The following UBL3 variants were observed in gnomAD, a reference collection of about 807,000 sequenced individuals.
The protein encoded by UBL3 is ubiquitin like 3, also known as ubiquitin-like protein 3.
A neutral mutation model predicts 18.4 loss-of-function variants in UBL3; 6 were observed. That is an observed-to-expected ratio of 0.33 (90% confidence interval 0.18 to 0.64). The LOEUF is 0.64. Among genes scored for constraint, UBL3 ranks in the 30% least tolerant of loss-of-function variants. UBL3 has a pLI of 0.76. For synonymous variants in UBL3, 49 were observed against 46.6 expected (o/e 1.05, Z -0.21); for missense variants, 109 against 142.9 (o/e 0.76, Z 1.21).
intron 2 of UBL3, among the ~76,000 whole-genome samples, chr13:29,772,805 A>G (rs565932931): frequency 6.6e-6 from 1 of 152,258 alleles, no homozygotes; most frequent in African/African-American, 2.4e-5. Context: ...AATTATATAT[A>G]TTTGGAGGTA....
intron 3 of UBL3, among the ~76,000 whole-genome samples, chr13:29,769,078 T>C (rs894805233): frequency 3.3e-5 from 5 of 152,104 alleles, no homozygotes; most frequent in African/African-American, 7.2e-5. Flanking sequence ...CTGCCCTTTG[T>C]AGCTGTGTCC....
chr13:29,803,707 AAC>A (rs1593662254), intron 1 of UBL3, among the ~76,000 whole-genome samples: 1 of 152,172 alleles, frequency 6.6e-6, no homozygotes, highest in East Asian at 1.9e-4. Flanking sequence ...GACGTTATAT[AAC>A]AGTAAAGGGA....
In UBL3 at chr13:29,849,545, G is replaced by A. The variant is rs374945754; in HGVS notation, c.-7C>T. The A allele has an allele frequency of 1.2e-6, 2 of 1,613,860 alleles. No individual in the cohort carries two copies. Among genetic ancestry groups the A allele is most frequent in the Non-Finnish European group, 1.7e-6 (2 of 1,180,020 alleles). On this transcript the variant is annotated 5_prime_UTR_variant, in exon 1 of 5. In the 5' UTR this introduces an upstream ATG that the reference lacks. Coordinates refer to ENST00000380680, the MANE Select transcript of UBL3 (RefSeq NM_007106.4). ...CCGGGACATTACTGGACATCTTGCC[G>A]TTTGATATACACCCAGATGTTTACG...
chr13:29,820,074 G>C (rs952030710), intron 1 of UBL3, among the ~76,000 whole-genome samples: 2 of 150,834 alleles, frequency 1.3e-5, no homozygotes, highest in African/African-American at 4.9e-5. Context: ...CTGGAAAGAA[G>C]CTTCTCTAAT....
intron 1 of UBL3, among the ~76,000 whole-genome samples, chr13:29,787,051 C>T (rs1034066306): frequency 2.0e-5 from 3 of 152,138 alleles, no homozygotes; most frequent in Non-Finnish European, 4.4e-5. Context: ...AGAAACCATT[C>T]AACTACTTAT....
Position 29,777,282 on chromosome 13 carries a change from T to G in UBL3, c.28-19A>C. On this transcript the variant is annotated intron_variant, in intron 1 of 4. Coordinates refer to ENST00000380680, the MANE Select transcript of UBL3 (RefSeq NM_007106.4). ...AATTTATCTGAAAGAAGACAATGAT[T>G]CTTTTAACATAAATCTAAAAATTTT... 1 of 1,577,196 alleles carries G rather than the reference T, an allele frequency of 6.3e-7. No individual in the cohort carries two copies. Among genetic ancestry groups the G allele is most frequent in the Non-Finnish European group, 8.6e-7 (1 of 1,162,044 alleles).
At position 29,766,223 on chromosome 13, in the gene UBL3, C is replaced by T. The variant is rs917003047; in HGVS notation, c.*1032G>A. 9.2e-5 allele frequency: 14 copies of T among 152,396 alleles called. No individual in the cohort carries two copies. Among genetic ancestry groups the T allele is most frequent in the African/African-American group, 3.1e-4 (13 of 41,396 alleles). 9.4% of individuals were successfully genotyped at this position (152,396 alleles called of 1,614,324 possible). ...GCATTCTTGTGTATGCCATAAAAAT[C>T]AGCTTTTGACTTTAATACAATTGCA... On this transcript the variant is annotated 3_prime_UTR_variant, in exon 5 of 5. Coordinates refer to ENST00000380680, the MANE Select transcript of UBL3 (RefSeq NM_007106.4).
At chr13:29,768,504 C>T (rs1353477170) in intron 3 of UBL3, among the ~76,000 whole-genome samples, 1 of 152,062 alleles carries the variant, frequency 6.6e-6, no homozygotes, top group African/African-American at 2.4e-5. Context: ...AAACTACAAA[C>T]TGAAGTAAGG....
At chr13:29,788,702 C>T (rs1204487201) in intron 1 of UBL3, among the ~76,000 whole-genome samples, 1 of 151,982 alleles carries the variant, frequency 6.6e-6, no homozygotes, top group Admixed American at 6.6e-5. Flanking sequence ...ATTTCTCTGA[C>T]CCATGGAACT....
chr13:29,803,706 T>C (rs1877830546), intron 1 of UBL3, among the ~76,000 whole-genome samples: 1 of 151,948 alleles, frequency 6.6e-6, no homozygotes, highest in Admixed American at 6.6e-5. Flanking sequence ...GGACGTTATA[T>C]AACAGTAAAG....
intron 1 of UBL3, among the ~76,000 whole-genome samples, chr13:29,786,420 TGA>T (rs923976974): frequency 2.0e-5 from 3 of 152,166 alleles, no homozygotes; most frequent in African/African-American, 7.2e-5. Flanking sequence ...TATAGATGTC[TGA>T]GAGGGAATGG....
At chr13:29,786,348 T>C (rs536460861) in intron 1 of UBL3, among the ~76,000 whole-genome samples, 3 of 152,318 alleles carry the variant, frequency 2.0e-5, no homozygotes, top group African/African-American at 7.2e-5. Context: ...TACACAGGTT[T>C]TTCCTTCTGC....
At chr13:29,845,171 G>T (rs1879199920) in intron 1 of UBL3, among the ~76,000 whole-genome samples, 1 of 152,100 alleles carries the variant, frequency 6.6e-6, no homozygotes, top group African/African-American at 2.4e-5. Flanking sequence ...GACACAAGCT[G>T]GGGTAGGATT....
At chr13:29,780,320 C>T (rs1306358137) in intron 1 of UBL3, among the ~76,000 whole-genome samples, 1 of 129,140 alleles carries the variant, frequency 7.7e-6, no homozygotes, top group African/African-American at 3.0e-5. Context: ...TGCCACTGCA[C>T]TCCAGCCTGG....
rs1879321642 is a variant in UBL3, at chr13:29,849,752, G to C, written c.-214C>G. The C allele has an allele frequency of 1.6e-6, 1 of 634,092 alleles. No homozygotes were observed. Among genetic ancestry groups the C allele is most frequent in the South Asian group, 1.9e-5 (1 of 51,590 alleles). The allele number at this position is 634,092 out of a possible 1,614,324, so 39.3% of individuals were successfully genotyped here. A position where few individuals can be genotyped will look rare whatever the true frequency, so the allele number is the denominator to read the frequency against. Reference sequence around the variant, plus strand: ...CCCCAGGAGCTGTGTGGCCGGAGCAGGAGGAAACTCCCGGGACAGCAGAGG... The same window carrying C: ...CCCCAGGAGCTGTGTGGCCGGAGCACGAGGAAACTCCCGGGACAGCAGAGG... On this transcript the variant is annotated 5_prime_UTR_variant, in exon 1 of 5. Transcript: ENST00000380680.
chr13:29,828,933 A>G (rs1878695881), intron 1 of UBL3, among the ~76,000 whole-genome samples: 3 of 152,194 alleles, frequency 2.0e-5, no homozygotes, highest in Admixed American at 2.0e-4. Context: ...AGTTTGCTGG[A>G]GGTCCACTCC....
chr13:29,792,272 A>C (rs188834534), intron 1 of UBL3, among the ~76,000 whole-genome samples: 9 of 152,294 alleles, frequency 5.9e-5, no homozygotes, highest in African/African-American at 2.2e-4. Context: ...TACCAAGAAA[A>C]AATGTTTTCT....
chr13:29,806,807 G>A (rs1052728168), intron 1 of UBL3, among the ~76,000 whole-genome samples: 2 of 152,140 alleles, frequency 1.3e-5, no homozygotes, highest in African/African-American at 2.4e-5. Flanking sequence ...AGTGATACAC[G>A]TGCAAACTCA....
At chr13:29,833,797 A>G (rs1041914075) in intron 1 of UBL3, among the ~76,000 whole-genome samples, 4 of 152,182 alleles carry the variant, frequency 2.6e-5, no homozygotes, top group African/African-American at 9.7e-5. Context: ...TTAAATGTAA[A>G]CTCTATTAGG....
Sources: allele counts gnomAD v4.1 joint callset (sites outside exome capture counted in the v4.1 genomes callset), GRCh38; gene constraint gnomAD v4.1.1; transcripts MANE v1.5; gene names NCBI Gene and HGNC (gene_info 2026-07-23, HGNC 2026-07-21).